The following CEP192 variants were observed in gnomAD, a reference collection of about 807,000 sequenced individuals.
CEP192 encodes centrosomal protein of 192 kDa.
Under a neutral mutation model 271.8 loss-of-function variants are expected in CEP192, and 151 were observed. That is an observed-to-expected ratio of 0.56 (90% CI 0.49 to 0.64). The LOEUF (loss-of-function observed/expected upper bound fraction) is 0.64, where lower values mean the gene tolerates loss of function less well. CEP192 is among the 30% of genes least tolerant of loss of function. The probability of loss-of-function intolerance (pLI) is 0.00; values close to 1 mark genes in which losing one functional copy is unlikely to be tolerated. For synonymous variants in CEP192, 995 were observed against 1,076.5 expected (o/e 0.92, Z 1.48); for missense variants, 2,910 against 3,020.5 (o/e 0.96, Z 0.86).
At position 12,999,580 on chromosome 18, in the gene CEP192, T is replaced by G; in HGVS notation, c.156T>G (p.Thr52=). 2 of 1,531,148 alleles carry G rather than the reference T, an allele frequency of 1.3e-6. No homozygotes were observed. Among genetic ancestry groups the G allele is most frequent in the Non-Finnish European group, 1.8e-6 (2 of 1,140,230 alleles). 94.8% of individuals were successfully genotyped at this position (1,531,148 alleles called of 1,614,324 possible). Residue 52 remains threonine, a synonymous_variant, in exon 2 of 45, where the codon ACT becomes ACG. Transcript: ENST00000506447. ...CACTTGCTAGGGATAGATCCAGCAC[T>G]GATAACAGGTAAGATTTGTTTGAGC... is the stretch of plus-strand genomic sequence containing the variant. ...VSTLARDRSS[T]DNRYPDIQAS... is the part of the protein sequence containing the mutation.
chr18:13,091,580 T>G (rs1043256531), intron 33 of CEP192, among the ~76,000 whole-genome samples: 1 of 152,248 alleles, frequency 6.6e-6, no homozygotes, highest in African/African-American at 2.4e-5. Context: ...AATGTGTAAT[T>G]TGTGGCATGT....
At chr18:13,103,815 A>G (rs116475654) in intron 39 of CEP192, 2 of 591,094 alleles carry the variant, frequency 3.4e-6, no homozygotes, top group Admixed American at 2.2e-5. Flanking sequence ...TTAGCCTCCC[A>G]TGTGGCTGGG....
In CEP192 at chr18:13,048,943, A is replaced by T; in HGVS notation, c.2152A>T (p.Ile718Phe). Residue 718 changes from isoleucine to phenylalanine, a missense_variant, in exon 16 of 45, where the codon ATT becomes TTT. Physicochemically the swap from Ile to Phe is conservative, Grantham distance 21. Coordinates refer to ENST00000506447, the MANE Select transcript of CEP192 (RefSeq NM_032142.4). ...TGATTCTATGCTTAGGATCAGCACC[A>T]TTGCTTCAGCCATTGCAGAGGCATC... ...SGDSMLRISTIASAIAEASVN... is the reference protein window; with the variant it reads ...SGDSMLRISTFASAIAEASVN... 6.2e-7 allele frequency: 1 copy of T among 1,614,144 alleles called. No individual in the cohort carries two copies. The highest frequency in any genetic ancestry group is 8.5e-7 in the Non-Finnish European group (1 of 1,179,952).
At chr18:13,078,604 G>C (rs976119782) in intron 30 of CEP192, among the ~76,000 whole-genome samples, 1 of 152,024 alleles carries the variant, frequency 6.6e-6, no homozygotes, top group Non-Finnish European at 1.5e-5. Context: ...GTTGTTTCCT[G>C]ACTTTTTAAT....
chr18:13,124,618 C>G lies in CEP192; in HGVS notation c.7476-14C>G, dbSNP rs1163821033. ...GTCATGACATGCTGCTGTCATGTGC[C>G]TCTCTCTTTCCAGAGCCCAGCATTA... On this transcript the variant is annotated splice_polypyrimidine_tract_variant and intron_variant, in intron 44 of 44. Transcript: ENST00000506447. 3 of 1,604,542 alleles carry G rather than the reference C, an allele frequency of 1.9e-6. No homozygotes were observed. The South Asian group carries it at 3.3e-5, about 18-fold the overall frequency.
At position 13,049,297 on chromosome 18, in the gene CEP192, G is replaced by A; in HGVS notation, c.2506G>A (p.Ala836Thr). Residue 836 changes from alanine (A) to threonine (T), a missense_variant, in exon 16 of 45, where the codon GCA (alanine) becomes ACA (threonine). Transcript: ENST00000506447. ...DLSATSVSVR[A>T]PEENTAAIVY... ...AAGTGCTACTAGTGTAAGTGTGAGG[G>A]CACCAGAAGAAAACACAGCAGCTAT... 1 of 1,614,098 alleles carries A rather than the reference G, an allele frequency of 6.2e-7. No homozygotes were observed. Among genetic ancestry groups the A allele is most frequent in the East Asian group, 2.2e-5 (1 of 44,878 alleles).
chr18:13,006,576 C>T (rs2033993727), intron 3 of CEP192, among the ~76,000 whole-genome samples: 1 of 152,130 alleles, frequency 6.6e-6, no homozygotes, highest in Non-Finnish European at 1.5e-5. Context: ...GTAAACTGTT[C>T]CTTTTCTCCG....
chr18:13,030,572 C>T lies in CEP192; in HGVS notation c.1498C>T (p.Leu500=). 6.2e-7 allele frequency: 1 copy of T among 1,611,582 alleles called. No individual in the cohort carries two copies. The highest frequency in any genetic ancestry group is 1.1e-5 in the South Asian group (1 of 90,984). The change falls in exon 11 of 45, where the codon CTA becomes TTA. Residue 500 remains leucine, a synonymous_variant. Transcript: ENST00000506447. The stretch of plus-strand genomic sequence containing the variant: ...TAGCAAACAAAATTTAAATGTGTCT[C>T]TAAGTGATGAGATGAATGAAGACTT... ...FNSKQNLNVS[L]SDEMNEDFRS...
At chr18:13,055,279 CAAA>C (rs34080432) in intron 18 of CEP192, among the ~76,000 whole-genome samples, 3 of 97,576 alleles carry the variant, frequency 3.1e-5, no homozygotes, top group African/African-American at 3.5e-5. Flanking sequence ...GACTCTGTCT[CAAA>C]AAAAAAAAAA....
chr18:13,027,578 C>T (rs768541105), intron 9 of CEP192, among the ~76,000 whole-genome samples: 12 of 152,076 alleles, frequency 7.9e-5, no homozygotes, highest in Non-Finnish European at 1.5e-4. Context: ...TTTAGAGGCC[C>T]CAGTTTATCC....
At position 13,068,967 on chromosome 18, in the gene CEP192, G is replaced by T; in HGVS notation, c.4938G>T (p.Arg1646Ser). The change falls in exon 25 of 45, where the codon AGG becomes AGT. Residue 1646 changes from arginine to serine, a missense_variant. Coordinates refer to ENST00000506447, the MANE Select transcript of CEP192 (RefSeq NM_032142.4). ...VSLRARAGIA[R>S]IHAPRDLQTM... The stretch of plus-strand genomic sequence containing the variant: ...TCCGAGCAAGAGCAGGAATAGCTAG[G>T]ATCCATGCTCCCAGGGACTTGCAGG... 1 of 1,614,168 alleles carries T rather than the reference G, an allele frequency of 6.2e-7. No individual in the cohort carries two copies. Among genetic ancestry groups the T allele is most frequent in the South Asian group, 1.1e-5 (1 of 91,084 alleles).
chr18:13,024,327 A>G (rs113032160), intron 9 of CEP192: 3 of 456,342 alleles, frequency 6.6e-6, no homozygotes. Context: ...TCTTTTGACT[A>G]GTGTTTTAAT....
chr18:13,079,030 C>T (rs1446936083), intron 30 of CEP192, among the ~76,000 whole-genome samples: 1 of 152,190 alleles, frequency 6.6e-6, no homozygotes, highest in Non-Finnish European at 1.5e-5. Context: ...TTAATCCAGT[C>T]TATCACTGAC....
At chr18:13,088,980 T>A (rs145679509) in intron 32 of CEP192, 21 of 391,906 alleles carry the variant, frequency 5.4e-5, no homozygotes, top group Middle Eastern at 5.5e-4. Flanking sequence ...TGCCATAAAA[T>A]TAACAGTAGT....
intron 1 of CEP192, among the ~76,000 whole-genome samples, chr18:12,995,739 T>G (rs1403187945): frequency 6.6e-6 from 1 of 152,150 alleles, no homozygotes; most frequent in African/African-American, 2.4e-5. Context: ...CCTGTTCAAA[T>G]CTGTAGGTTG....
intron 18 of CEP192, among the ~76,000 whole-genome samples, chr18:13,053,788 C>G (rs537823528): frequency 6.6e-6 from 1 of 152,094 alleles, no homozygotes; most frequent in South Asian, 2.1e-4. Context: ...CCGCTGGTCT[C>G]AAGGGATCCT....
At chr18:13,113,526 C>T in intron 40 of CEP192, 60 bp from the exon 41 acceptor site, 1 of 1,506,470 alleles carries the variant, frequency 6.6e-7, no homozygotes, top group Non-Finnish European at 9.1e-7. Context: ...AACTGGTGAT[C>T]TAGCTAACAC....
chr18:13,099,420 A>T, intron 36 of CEP192, 56 bp from the exon 37 acceptor site: 1 of 850,610 alleles, frequency 1.2e-6, no homozygotes, highest in Non-Finnish European at 1.9e-6. Context: ...AACTCCTGTG[A>T]TTACTGCTGT....
intron 30 of CEP192, among the ~76,000 whole-genome samples, chr18:13,080,995 A>T (rs1454490419): frequency 1.3e-5 from 2 of 152,182 alleles, no homozygotes; most frequent in East Asian, 1.9e-4. Flanking sequence ...AGCCAACTTG[A>T]TCATGGTGGA....
Sources: allele counts gnomAD v4.1 joint callset (sites outside exome capture counted in the v4.1 genomes callset), GRCh38; gene constraint gnomAD v4.1.1; transcripts MANE v1.5; gene names NCBI Gene and HGNC (gene_info 2026-07-23, HGNC 2026-07-21).